SPRR1A: variants seen among roughly 807,000 people sequenced by gnomAD.
SPRR1A encodes the protein cornifin-A.
For synonymous variants in SPRR1A, 40 were observed against 39.2 expected (o/e 1.02, Z -0.07); for missense variants, 123 against 105.4 (o/e 1.17, Z -0.73).
At chr1:152,984,997 T>G (rs779865566), upstream of SPRR1A, among the ~76,000 whole-genome samples, 2 of 152,084 alleles carry the variant, frequency 1.3e-5, no homozygotes, top group Non-Finnish European at 1.5e-5. Flanking sequence ...AGAAGAGAAC[T>G]CCAATAAAAT....
In SPRR1A at chr1:152,985,353, C is replaced by A. The variant is rs1000506973; in HGVS notation, c.123C>A (p.Cys41Ter). 6.9e-6 allele frequency: 11 copies of A among 1,598,734 alleles called. No homozygotes were observed. The highest frequency in any genetic ancestry group is 8.5e-6 in the Non-Finnish European group (10 of 1,176,982). Residue 41 changes from cysteine to a stop codon, truncating the protein, a stop_gained, in exon 1 of 1, where the codon TGC (cysteine) becomes TGA (stop). Coordinates refer to ENST00000368762, the Ensembl canonical transcript of SPRR1A. LOFTEE classifies it low-confidence loss of function (END_TRUNC). ...GCATCCCCAAAACCAAGGAGCCCTG[C>A]CACCCCAAGGTGCCTGAGCCCTGCC...
Position 152,985,341 on chromosome 1 carries a change from C to A in SPRR1A, c.111C>A (p.Thr37=), listed in dbSNP as rs745332032. The A allele has an allele frequency of 9.9e-5, 159 of 1,613,738 alleles. 1 individual carries two copies. Among genetic ancestry groups the A allele is most frequent in the Non-Finnish European group, 1.2e-5 (14 of 1,179,936 alleles). The change falls in exon 1 of 1, where the codon ACC becomes ACA. Residue 37 remains threonine (T), a synonymous_variant. Coordinates refer to ENST00000368762, the Ensembl canonical transcript of SPRR1A. Reference sequence around the variant, plus strand: ...CCCAGGAACCATGCATCCCCAAAACCAAGGAGCCCTGCCACCCCAAGGTGC... The same window carrying A: ...CCCAGGAACCATGCATCCCCAAAACAAAGGAGCCCTGCCACCCCAAGGTGC...
chr1:152,985,081 A>T, upstream of SPRR1A: 3 of 1,141,202 alleles, frequency 2.6e-6, no homozygotes, highest in Non-Finnish European at 3.6e-6. Flanking sequence ...TTTCATTTTT[A>T]AATGTAATGG....
upstream of SPRR1A, among the ~76,000 whole-genome samples, chr1:152,984,840 G>C (rs1404976193): frequency 6.6e-6 from 1 of 152,126 alleles, no homozygotes; most frequent in South Asian, 2.1e-4. Flanking sequence ...TAAGTCACAG[G>C]CTTTCTACAT....
At chr1:152,984,116 C>T (rs1234833422), upstream of SPRR1A, among the ~76,000 whole-genome samples, 2 of 152,080 alleles carry the variant, frequency 1.3e-5, no homozygotes, top group African/African-American at 4.8e-5. Context: ...CATTCTGCTC[C>T]GTATACCAGG....
At chr1:152,984,693 G>A (rs189874336), upstream of SPRR1A, among the ~76,000 whole-genome samples, 1 of 152,190 alleles carries the variant, frequency 6.6e-6, no homozygotes, top group East Asian at 1.9e-4. Context: ...ACCCTCCTAG[G>A]GGTGTCAAGT....
chr1:152,984,369 C>T (rs896940681), upstream of SPRR1A, among the ~76,000 whole-genome samples: 8 of 151,960 alleles, frequency 5.3e-5, no homozygotes, highest in South Asian at 2.1e-4. Context: ...GTTCAAATGC[C>T]CATGGGAAGT....
downstream of SPRR1A, among the ~76,000 whole-genome samples, chr1:152,985,669 G>T (rs1185054016): frequency 6.6e-6 from 1 of 152,110 alleles, no homozygotes. Context: ...CCCTCATTCT[G>T]GAGGGCTCCT....
At chr1:152,984,869 T>C (rs962978207), upstream of SPRR1A, among the ~76,000 whole-genome samples, 5 of 152,170 alleles carry the variant, frequency 3.3e-5, no homozygotes, top group African/African-American at 7.2e-5. Context: ...GAGAGGAAAG[T>C]GGTCTGATGC....
upstream of SPRR1A, among the ~76,000 whole-genome samples, chr1:152,984,907 C>T (rs1284132554): frequency 6.6e-6 from 1 of 152,084 alleles, no homozygotes; most frequent in African/African-American, 2.4e-5. Flanking sequence ...AATATGCGGA[C>T]CTCATGTCCC....
upstream of SPRR1A, chr1:152,985,130 G>A: frequency 1.4e-6 from 2 of 1,472,168 alleles, no homozygotes; most frequent in Non-Finnish European, 1.8e-6. Flanking sequence ...CTTCTAAAGG[G>A]TCCTGAAATA....
exon 1 of SPRR1A, chr1:152,985,316 C>T (rs1235156242): frequency 1.2e-6 from 2 of 1,613,940 alleles, no homozygotes; most frequent in East Asian, 4.5e-5. Flanking sequence ...CAGCCTCCAC[C>T]CCAGGAACCA....
chr1:152,985,270 C>G (rs767491967), exon 1 of SPRR1A: 2 of 1,613,852 alleles, frequency 1.2e-6, no homozygotes, highest in Non-Finnish European at 1.7e-6. Context: ...CACCCCACCC[C>G]CTCAGCCTCA....
chr1:152,985,176 T>C, upstream of SPRR1A: 1 of 1,538,770 alleles, frequency 6.5e-7, no homozygotes, highest in Non-Finnish European at 8.7e-7. Flanking sequence ...TCCATCTTTC[T>C]TTAATTGAAT....
chr1:152,985,539 G>A (rs377001066), downstream of SPRR1A: 163 of 1,584,910 alleles, frequency 1.0e-4, no homozygotes, highest in Non-Finnish European at 1.3e-4. Flanking sequence ...CTGGCCACTG[G>A]ATACTGAACA....
At chr1:152,985,277 C>T (rs1317754257) in exon 1 of SPRR1A, 8 of 1,613,880 alleles carry the variant, frequency 5.0e-6, no homozygotes, top group East Asian at 2.2e-5. Flanking sequence ...CCCCCTCAGC[C>T]TCAGCAGCAG....
chr1:152,985,317 C>T (rs200895784), exon 1 of SPRR1A: 7 of 1,613,708 alleles, frequency 4.3e-6, no homozygotes, highest in Non-Finnish European at 5.9e-6. Flanking sequence ...AGCCTCCACC[C>T]CAGGAACCAT....
In SPRR1A at chr1:152,985,335, CA is replaced by C. The variant is rs1203892513; in HGVS notation, c.109del (p.Thr37ProfsTer?). 2.5e-6 allele frequency: 4 copies of C among 1,613,848 alleles called. No individual in the cohort carries two copies. The highest frequency in any genetic ancestry group is 3.4e-6 in the Non-Finnish European group (4 of 1,179,944). ...CTCCACCCCAGGAACCATGCATCCC[CA>C]AAACCAAGGAGCCCTGCCACCCCAA... On this transcript the variant is annotated frameshift_variant, in exon 1 of 1. Transcript: ENST00000368762. LOFTEE classifies it low-confidence loss of function (END_TRUNC).
chr1:152,985,457 C>A lies in SPRR1A; in HGVS notation c.227C>A (p.Thr76Lys), dbSNP rs151244576. Reference sequence around the variant, plus strand: ...AAGGTGCCTGAGCCCTGCCCTTCAACGGTCACTCCAGCACCAGCCCAGCAG... The same window carrying A: ...AAGGTGCCTGAGCCCTGCCCTTCAAAGGTCACTCCAGCACCAGCCCAGCAG... Residue 76 changes from threonine (T) to lysine (K), a missense_variant, in exon 1 of 1, where the codon ACG becomes AAG. Transcript: ENST00000368762. The A allele has an allele frequency of 3.7e-5, 59 of 1,613,794 alleles. No homozygotes were observed. In the African/African-American group the frequency reaches 7.3e-4, roughly 20 times the overall value.
Sources: allele counts gnomAD v4.1 joint callset (sites outside exome capture counted in the v4.1 genomes callset), GRCh38; gene constraint gnomAD v4.1.1; transcripts MANE v1.5; gene names NCBI Gene and HGNC (gene_info 2026-07-23, HGNC 2026-07-21).